Variants in HPSE2 observed in about 807,000 individuals in gnomAD.
The protein encoded by HPSE2 is heparanase 2 (inactive), also known as inactive heparanase-2.
Under a neutral mutation model 60.5 loss-of-function variants are expected in HPSE2, and 38 were observed. The observed-to-expected ratio is 0.63, with a 90% confidence interval of 0.48 to 0.82. HPSE2 has a LOEUF of 0.82. HPSE2 is among the 40% of genes least tolerant of loss of function. HPSE2 has a pLI of 0.00. For missense variants in HPSE2, 713 were observed against 740.4 expected (o/e 0.96, Z 0.43); for synonymous variants, 295 against 293.2 (o/e 1.01, Z -0.06).
At chr10:99,107,043 G>A (rs1249846054) in intron 3 of HPSE2, among the ~76,000 whole-genome samples, 1 of 152,002 alleles carries the variant, frequency 6.6e-6, no homozygotes, top group Non-Finnish European at 1.5e-5. Context: ...GTTAATTTTT[G>A]TATTTTTAGT....
At chr10:98,727,338 G>T (rs1046232231) in intron 4 of HPSE2, among the ~76,000 whole-genome samples, 10 of 152,078 alleles carry the variant, frequency 6.6e-5, no homozygotes, top group African/African-American at 1.4e-4. Context: ...GGCAGTCAAA[G>T]ACTTATAAAT....
intron 3 of HPSE2, among the ~76,000 whole-genome samples, chr10:99,006,059 A>G (rs1956885158): frequency 6.6e-6 from 1 of 152,082 alleles, no homozygotes; most frequent in Non-Finnish European, 1.5e-5. Flanking sequence ...TAGGCCTAGA[A>G]CCTATTTTTC....
rs558641564 is a variant in HPSE2 at position 98,942,844 on chromosome 10, A to G, written c.611-198788T>C. The stretch of plus-strand genomic sequence containing the variant: ...TTGGAACCAACCCAAGTGTCCAACA[A>G]TGATAGACTGGATTAAGAAAATGTG... On this transcript the variant is annotated intron_variant, in intron 3 of 11. Transcript: ENST00000370552. 4.9e-3 allele frequency among the ~76,000 whole-genome samples: 745 copies of G among 152,064 alleles called. 4 individuals are homozygous for G. Among genetic ancestry groups the G allele is most frequent in the African/African-American group, 0.017 (710 of 41,450 alleles).
At chr10:99,224,239 T>C (rs369458151) in intron 2 of HPSE2, among the ~76,000 whole-genome samples, 2 of 152,200 alleles carry the variant, frequency 1.3e-5, no homozygotes, top group South Asian at 4.1e-4. Flanking sequence ...AATTAGATCA[T>C]GAAAGCCAAT....
chr10:98,509,456 T>C (rs986705290), intron 9 of HPSE2, among the ~76,000 whole-genome samples: 1 of 152,162 alleles, frequency 6.6e-6, no homozygotes, highest in African/African-American at 2.4e-5. Context: ...GATTTGGTGA[T>C]TGACTGGATA....
chr10:99,076,115 T>C (rs1033937986), intron 3 of HPSE2, among the ~76,000 whole-genome samples: 4 of 152,118 alleles, frequency 2.6e-5, no homozygotes, highest in Admixed American at 2.0e-4. Flanking sequence ...GTAATTCTTT[T>C]GTCCCTCTTC....
chr10:98,579,680 G>A (rs912656317), intron 9 of HPSE2, among the ~76,000 whole-genome samples: 6 of 152,086 alleles, frequency 3.9e-5, no homozygotes, highest in Non-Finnish European at 8.8e-5. Context: ...CAAGGCTATC[G>A]GAAGATGTAG....
At chr10:98,467,870 G>A (rs10883106) in intron 11 of HPSE2, among the ~76,000 whole-genome samples, 2 of 152,202 alleles carry the variant, frequency 1.3e-5, no homozygotes, top group African/African-American at 2.4e-5. Flanking sequence ...CGTGCGAAAC[G>A]GGACTGCAAT....
chr10:98,860,112 T>G (rs1311348416), intron 3 of HPSE2, among the ~76,000 whole-genome samples: 1 of 152,204 alleles, frequency 6.6e-6, no homozygotes, highest in Non-Finnish European at 1.5e-5. Context: ...GGTCTTGGAA[T>G]GTATCCCTCA....
chr10:99,264,180 C>T, the HPSE2 span, among the ~76,000 whole-genome samples: 42 of 150,840 alleles, frequency 2.8e-4, no homozygotes, highest in East Asian at 5.1e-3. Context: ...CTCTGCCTCC[C>T]GGATTCACAC....
chr10:98,828,711 A>C (rs1951611167), intron 3 of HPSE2, among the ~76,000 whole-genome samples: 1 of 152,242 alleles, frequency 6.6e-6, no homozygotes, highest in African/African-American at 2.4e-5. Flanking sequence ...CCAGAAGGTA[A>C]GTGTCGGCTG....
rs1333101586 is a variant in HPSE2, at chr10:98,473,866, C to T, written c.1613+8770G>A. Reference sequence around the variant, plus strand: ...AGCCAATTCCTGAGACGAGCCATCCCATCAAACAGAAACTGAAAAGCTTTT... The same window carrying T: ...AGCCAATTCCTGAGACGAGCCATCCTATCAAACAGAAACTGAAAAGCTTTT... On this transcript the variant is annotated intron_variant, in intron 11 of 11. Coordinates refer to ENST00000370552, the MANE Select transcript of HPSE2 (RefSeq NM_021828.5). Among the ~76,000 whole-genome samples, 3 of 152,174 alleles carry T rather than the reference C, an allele frequency of 2.0e-5. No homozygotes were observed. In the East Asian group the frequency reaches 5.8e-4, roughly 29 times the overall value.
intron 3 of HPSE2, among the ~76,000 whole-genome samples, chr10:99,042,677 T>C (rs1431067772): frequency 6.7e-6 from 1 of 149,816 alleles, no homozygotes; most frequent in Non-Finnish European, 1.5e-5. Flanking sequence ...GAGAAAGGTG[T>C]GGCTTATCTC....
At chr10:98,906,754 C>A (rs371167406) in intron 3 of HPSE2, among the ~76,000 whole-genome samples, 16 of 152,120 alleles carry the variant, frequency 1.1e-4, no homozygotes, top group African/African-American at 3.6e-4. Flanking sequence ...AAGTGCAAAA[C>A]TTAGCCGGGC....
At chr10:99,077,955 G>A (rs921504844) in intron 3 of HPSE2, among the ~76,000 whole-genome samples, 1 of 152,070 alleles carries the variant, frequency 6.6e-6, no homozygotes, top group Non-Finnish European at 1.5e-5. Flanking sequence ...ACAGTAATGA[G>A]TGAATTCTTG....
At chr10:99,022,580 T>G (rs963949976) in intron 3 of HPSE2, among the ~76,000 whole-genome samples, 32 of 152,082 alleles carry the variant, frequency 2.1e-4, no homozygotes, top group Admixed American at 2.6e-4. Context: ...CAAGGCTCCG[T>G]AAGAGATCCC....
At chr10:98,778,277 A>AGAGAGAGAGAGAGAGG (rs967425945) in intron 3 of HPSE2, among the ~76,000 whole-genome samples, 3 of 150,246 alleles carry the variant, frequency 2.0e-5, no homozygotes, top group Admixed American at 1.3e-4. Context: ...AGAGAGAGAG[A>AGAGAGAGAGAGAGAGG]GAGAGAGAGA....
the HPSE2 span, among the ~76,000 whole-genome samples, chr10:99,267,780 A>AAC: frequency 1.3e-5 from 2 of 151,562 alleles, no homozygotes; most frequent in Non-Finnish European, 1.5e-5. Context: ...ACTCCATCAA[A>AAC]AAAAAAAAAC....
chr10:98,845,533 T>G (rs193199890), intron 3 of HPSE2, among the ~76,000 whole-genome samples: 61 of 152,364 alleles, frequency 4.0e-4, no homozygotes, highest in African/African-American at 1.4e-3. Context: ...TACAGGCCAT[T>G]TGAAGGAGCC....
Sources: gnomAD v4.1 joint callset for allele counts (sites outside exome capture counted in the v4.1 genomes callset) on GRCh38, gnomAD v4.1.1 for gene constraint, MANE v1.5 for transcripts, NCBI Gene and HGNC (gene_info 2026-07-23, HGNC 2026-07-21) for gene names.